Variants in CNBD1 observed in about 807,000 individuals in gnomAD.
The protein encoded by CNBD1 is cyclic nucleotide binding domain containing 1.
Under a neutral mutation model 54.4 loss-of-function variants are expected in CNBD1, and 71 were observed. The observed-to-expected ratio is 1.30, with a 90% CI of 1.08 to 1.59. The LOEUF (loss-of-function observed/expected upper bound fraction) is 1.59, where lower values mean the gene tolerates loss of function less well. Among genes scored for constraint, CNBD1 ranks in the 40% most tolerant of loss-of-function variants. CNBD1 has a pLI of 0.00. For synonymous variants in CNBD1, 182 were observed against 170.7 expected, an observed-to-expected ratio of 1.07 and a Z score of -0.51; for missense variants, 659 against 518.0, an observed-to-expected ratio of 1.27 and a Z score of -2.64.
intron 1 of CNBD1, among the ~76,000 whole-genome samples, chr8:86,880,573 A>G (rs1175807336): frequency 6.6e-6 from 1 of 152,174 alleles, no homozygotes; most frequent in Non-Finnish European, 1.5e-5. Context: ...CCTAGAACCA[A>G]CACCCCATGG....
At chr8:87,109,633 G>A (rs921923594) in intron 4 of CNBD1, among the ~76,000 whole-genome samples, 1 of 150,300 alleles carries the variant, frequency 6.7e-6, no homozygotes, top group Non-Finnish European at 1.5e-5. Flanking sequence ...CCGCCTCCTG[G>A]GTTCACGCCA....
chr8:86,938,993 C>A (rs1180956782), intron 3 of CNBD1, among the ~76,000 whole-genome samples: 1 of 152,024 alleles, frequency 6.6e-6, no homozygotes, highest in Admixed American at 6.6e-5. Flanking sequence ...TTCTTAAACA[C>A]AGACAGCACT....
chr8:87,254,348 G>A (rs988762851), intron 6 of CNBD1, among the ~76,000 whole-genome samples: 1 of 152,204 alleles, frequency 6.6e-6, no homozygotes, highest in African/African-American at 2.4e-5. Flanking sequence ...TTTCAGTGCT[G>A]TGTAGCTTAT....
chr8:87,018,018 C>A (rs1380874250), intron 4 of CNBD1, among the ~76,000 whole-genome samples: 2 of 152,076 alleles, frequency 1.3e-5, no homozygotes, highest in African/African-American at 2.4e-5. Flanking sequence ...CTGAGGCAGG[C>A]AGATCACCTG....
intron 4 of CNBD1, among the ~76,000 whole-genome samples, chr8:86,945,534 C>T (rs1807445382): frequency 6.6e-6 from 1 of 152,110 alleles, no homozygotes; most frequent in Admixed American, 6.6e-5. Context: ...TATTTAAGGG[C>T]TGCATGCTGA....
intron 4 of CNBD1, among the ~76,000 whole-genome samples, chr8:87,077,030 A>G (rs933200558): frequency 3.3e-5 from 5 of 152,200 alleles, no homozygotes; most frequent in African/African-American, 1.2e-4. Context: ...TTTGTTGACA[A>G]AGCAAATCAG....
chr8:87,428,400 G>A, intron 2 of CNBD1: 1 of 316,406 alleles, frequency 3.2e-6, no homozygotes, highest in South Asian at 2.6e-5. Flanking sequence ...GAACTTAGAA[G>A]TACTAATGAA....
At chr8:87,161,231 AG>A (rs1812850957) in intron 4 of CNBD1, among the ~76,000 whole-genome samples, 1 of 152,134 alleles carries the variant, frequency 6.6e-6, no homozygotes, top group African/African-American at 2.4e-5. Context: ...CAAGCAAAAA[AG>A]AAAGAGTGGA....
chr8:87,314,307 A>C (rs1809334570), intron 8 of CNBD1, among the ~76,000 whole-genome samples: 1 of 151,396 alleles, frequency 6.6e-6, no homozygotes. Flanking sequence ...AAAGCATCTC[A>C]TTTTTTAAAA....
chr8:87,194,531 A>G (rs1370683879), intron 4 of CNBD1, among the ~76,000 whole-genome samples: 1 of 152,188 alleles, frequency 6.6e-6, no homozygotes, highest in Non-Finnish European at 1.5e-5. Context: ...TTGCCACCTA[A>G]AATTCTGCAT....
intron 8 of CNBD1, among the ~76,000 whole-genome samples, chr8:87,302,644 G>A (rs1202863380): frequency 6.6e-6 from 1 of 151,794 alleles, no homozygotes; most frequent in African/African-American, 2.4e-5. Flanking sequence ...AGGGCAATCA[G>A]GCAGGAGAAG....
At chr8:87,389,282 A>G (rs1811258359) in intron 2 of CNBD1, among the ~76,000 whole-genome samples, 1 of 152,188 alleles carries the variant, frequency 6.6e-6, no homozygotes, top group Non-Finnish European at 1.5e-5. Flanking sequence ...AATAAAGGGT[A>G]TTCAATTAGG....
chr8:87,229,502 T>A (rs1814616596), intron 5 of CNBD1, among the ~76,000 whole-genome samples: 1 of 152,172 alleles, frequency 6.6e-6, no homozygotes, highest in Non-Finnish European at 1.5e-5. Flanking sequence ...TTTGACACCT[T>A]AATTAGATAG....
chr8:87,363,982 A>C (rs1210431455), intron 10 of CNBD1, among the ~76,000 whole-genome samples: 1 of 148,684 alleles, frequency 6.7e-6, no homozygotes, highest in Non-Finnish European at 1.5e-5. Context: ...TTTTTTTTTT[A>C]AACGAATGAA....
intron 10 of CNBD1, among the ~76,000 whole-genome samples, chr8:87,365,620 G>A (rs1810627514): frequency 6.6e-6 from 1 of 151,858 alleles, no homozygotes; most frequent in East Asian, 1.9e-4. Context: ...CTAACAATAA[G>A]GTCCACTTGT....
At chr8:87,299,582 A>G (rs1222356813) in intron 8 of CNBD1, among the ~76,000 whole-genome samples, 1 of 152,214 alleles carries the variant, frequency 6.6e-6, no homozygotes, top group Non-Finnish European at 1.5e-5. Flanking sequence ...ATCATAGATT[A>G]AATGGATTTT....
intron 10 of CNBD1, among the ~76,000 whole-genome samples, chr8:87,379,690 G>C (rs998577845): frequency 6.6e-6 from 1 of 151,866 alleles, no homozygotes; most frequent in Non-Finnish European, 1.5e-5. Flanking sequence ...TTATTGCACT[G>C]TCAGAATACC....
At chr8:87,303,120 G>A (rs1809049067) in intron 8 of CNBD1, among the ~76,000 whole-genome samples, 1 of 152,022 alleles carries the variant, frequency 6.6e-6, no homozygotes, top group African/African-American at 2.4e-5. Context: ...TTTCTTCACA[G>A]AATTGGAAAA....
intron 4 of CNBD1, among the ~76,000 whole-genome samples, chr8:87,087,852 G>A (rs1194834093): frequency 6.6e-6 from 1 of 152,148 alleles, no homozygotes; most frequent in East Asian, 1.9e-4. Context: ...TTTTACAGAT[G>A]AGGTAATGGA....
Sources: allele counts gnomAD v4.1 joint callset (sites outside exome capture counted in the v4.1 genomes callset), GRCh38; gene constraint gnomAD v4.1.1; transcripts MANE v1.5; gene names NCBI Gene and HGNC (gene_info 2026-07-23, HGNC 2026-07-21).